CLSTN3: variants seen among roughly 807,000 people sequenced by gnomAD.
CLSTN3 encodes the protein calsyntenin-3.
Under a neutral mutation model 95.9 loss-of-function variants are expected in CLSTN3, and 36 were observed. The ratio of observed to expected loss-of-function variants is 0.38; its 90% CI spans 0.29 to 0.50. CLSTN3 has a LOEUF of 0.50. CLSTN3 is among the 20% of genes least tolerant of loss of function. CLSTN3 has a pLI of 0.95. For synonymous variants in CLSTN3, 481 were observed against 504.0 expected (o/e 0.95, Z 0.61); for missense variants, 1,084 against 1,268.8 (o/e 0.85, Z 2.21).
rs2054395222 is a variant in CLSTN3, at chr12:7,141,969, C to G, written c.1487-117C>G. On this transcript the variant is annotated intron_variant, in intron 9 of 17. Coordinates refer to ENST00000266546, the MANE Select transcript of CLSTN3 (RefSeq NM_014718.4). This position sits in a 1 kb window ranked among gnomAD's most constrained non-coding sequence, Gnocchi z 4.1. Reference sequence around the variant, plus strand: ...AGTTATACATGGGCAGGGTCAGAATCCCATGTGGGCATGAGAGCACTCATG... The same window carrying G: ...AGTTATACATGGGCAGGGTCAGAATGCCATGTGGGCATGAGAGCACTCATG... 1 of 766,334 alleles carries G rather than the reference C, an allele frequency of 1.3e-6. No individual in the cohort carries two copies. The highest frequency in any genetic ancestry group is 2.4e-4 in the Middle Eastern group (1 of 4,218). The allele number at this position is 766,334 out of a possible 1,614,324, so 47.5% of individuals were successfully genotyped here.
rs1399317362 is a variant in CLSTN3, at chr12:7,156,568, G to A, written c.2528-921G>A. Reference sequence around the variant, plus strand: ...GTGAGCAGGCGGCCAGGTGGCTGGTGTGGGCCAGCATGCAGGCTGGCAAAG... The same window carrying A: ...GTGAGCAGGCGGCCAGGTGGCTGGTATGGGCCAGCATGCAGGCTGGCAAAG... On this transcript the variant is annotated intron_variant, in intron 16 of 17. Transcript: ENST00000266546. 8 of 456,688 alleles carry A rather than the reference G, an allele frequency of 1.8e-5. No individual in the cohort carries two copies. In the Admixed American group the frequency reaches 1.9e-4, roughly 11 times the overall value. 28.3% of individuals were successfully genotyped at this position (456,688 alleles called of 1,614,324 possible).
intron 8 of CLSTN3, among the ~76,000 whole-genome samples, chr12:7,138,342 TTC>T (rs149602492): frequency 6.6e-6 from 1 of 151,868 alleles, no homozygotes; most frequent in Admixed American, 6.6e-5. Flanking sequence ...CCTTGTTTTA[TTC>T]TCTCTCTCTC....
rs759769332 is a variant in CLSTN3 at position 7,157,665 on chromosome 12, C to T, written c.2704C>T (p.Leu902Phe). Residue 902 changes from leucine to phenylalanine, a missense_variant, in exon 17 of 18, where the codon CTC becomes TTC. By Grantham distance (22) the Leu-to-Phe change is conservative. Coordinates refer to ENST00000266546, the MANE Select transcript of CLSTN3 (RefSeq NM_014718.4). This position sits in a 1 kb window ranked among gnomAD's most constrained non-coding sequence, Gnocchi z 5.9. ...DPDLFWDDSALTIIVNPMESY... is the reference protein window; with the variant it reads ...DPDLFWDDSAFTIIVNPMESY... ...AGACCTCTTCTGGGATGACTCAGCTCTCACCATCATTGTGAACCCCATGGA... is the reference window on the plus strand; with the variant it reads ...AGACCTCTTCTGGGATGACTCAGCTTTCACCATCATTGTGAACCCCATGGA... The T allele has an allele frequency of 1.9e-6, 3 of 1,599,760 alleles. No individual in the cohort carries two copies. Among genetic ancestry groups the T allele is most frequent in the Non-Finnish European group, 8.5e-7 (1 of 1,172,658 alleles).
At chr12:7,130,310 CCCT>C (rs201580285), upstream of CLSTN3, 74,318 of 784,894 alleles carry the variant, frequency 0.095, 3,572 homozygotes, top group Non-Finnish European at 0.11. Flanking sequence ...TGGTCCCCCC[CCCT>C]CCCAGTCACC....
intron 4 of CLSTN3, 92 bp downstream of exon 4, chr12:7,135,627 C>T: frequency 2.1e-6 from 3 of 1,405,612 alleles, no homozygotes; most frequent in Non-Finnish European, 3.0e-6. Context: ...CCACTTTTGC[C>T]CCTCAGACCC....
chr12:7,142,110 AG>A lies in CLSTN3; in HGVS notation c.1514del (p.Gly505GlufsTer61). The A allele has an allele frequency of 6.2e-7, 1 of 1,606,076 alleles. No individual in the cohort carries two copies. Among genetic ancestry groups the A allele is most frequent in the Non-Finnish European group, 8.5e-7 (1 of 1,175,312 alleles). ...WTEEKNKEKE[K>X]GDNSTDTTQG... is the part of the protein sequence containing the mutation. ...GAGGAGAAGAACAAAGAGAAGGAAA[AG>A]GGAGACAACAGTACAGACACCACCC... On this transcript the variant is annotated frameshift_variant, in exon 10 of 18. Transcript: ENST00000266546. LOFTEE classifies it high-confidence loss of function.
At chr12:7,156,284 C>T in intron 16 of CLSTN3, 5 of 457,012 alleles carry the variant, frequency 1.1e-5, no homozygotes, top group Non-Finnish European at 8.8e-6. Context: ...CCTCCACCTG[C>T]TGTCCCTGGG....
chr12:7,149,472 A>C lies in CLSTN3; in HGVS notation c.2075-51A>C, dbSNP rs751042457. The C allele has an allele frequency of 3.2e-6, 5 of 1,546,734 alleles. No individual in the cohort carries two copies. The African/African-American group carries it at 5.4e-5, about 17-fold the overall frequency. ...GATGAGGGCATGGTTGGGTCTCAGA[A>C]CCTCCGTGGGCCCTTTGGCTCTGAC... On this transcript the variant is annotated intron_variant, in intron 13 of 17. Coordinates refer to ENST00000266546, the MANE Select transcript of CLSTN3 (RefSeq NM_014718.4). This position sits in a 1 kb window ranked among gnomAD's most constrained non-coding sequence, Gnocchi z 4.5.
intron 3 of CLSTN3, 140 bp from the exon 4 acceptor site, chr12:7,135,187 C>T (rs77626337): frequency 0.034 from 26,379 of 774,798 alleles, 618 homozygotes; most frequent in Non-Finnish European, 0.044. Flanking sequence ...ACCTGTCCCT[C>T]CATGTGCCGT....
chr12:7,143,824 G>T (rs771277034), intron 12 of CLSTN3, among the ~76,000 whole-genome samples: 9 of 152,364 alleles, frequency 5.9e-5, no homozygotes, highest in African/African-American at 1.9e-4. Flanking sequence ...TTGGAACACA[G>T]CAGTGCCCAT....
rs1477592850 is a variant in CLSTN3, at chr12:7,157,526, C to T, written c.2565C>T (p.Cys855=). 5 of 1,607,068 alleles carry T rather than the reference C, an allele frequency of 3.1e-6. No homozygotes were observed. Among genetic ancestry groups the T allele is most frequent in the East Asian group, 2.2e-5 (1 of 44,830 alleles). ...CCGCAACCCTCATCATTGTGGTGTG[C>T]GTGGGCTTCCTGGTGCTCATGGTCG... ...PSAATLIIVV[C]VGFLVLMVVL... Residue 855 remains cysteine (C), a synonymous_variant, in exon 17 of 18, where the codon TGC becomes TGT. Transcript: ENST00000266546. This position sits in a 1 kb window ranked among gnomAD's most constrained non-coding sequence, Gnocchi z 5.9.
At chr12:7,136,158 G>C in intron 5 of CLSTN3, 48 bp from the exon 6 acceptor site, 4 of 1,585,554 alleles carry the variant, frequency 2.5e-6, no homozygotes, top group Non-Finnish European at 3.4e-6. Flanking sequence ...AGGGGAGGCT[G>C]CTTTACCCTT....
In CLSTN3 at chr12:7,136,803, A is replaced by G. The variant is rs968836097; in HGVS notation, c.929-26A>G. ...CCATCTGCTGCTTCTTGGCTCTGAC[A>G]CTTGTGCCTCCTGGGGCTCCCACAG... On this transcript the variant is annotated intron_variant, in intron 6 of 17. Transcript: ENST00000266546. 3.1e-6 allele frequency: 5 copies of G among 1,609,178 alleles called. No homozygotes were observed. The African/African-American group carries it at 6.7e-5, about 22-fold the overall frequency.
intron 12 of CLSTN3, among the ~76,000 whole-genome samples, chr12:7,147,892 C>T (rs781069864): frequency 1.4e-4 from 21 of 152,148 alleles, no homozygotes; most frequent in African/African-American, 4.3e-4. Context: ...CGGTGGCTCA[C>T]GCCTGTAATC....
chr12:7,151,196 T>C, intron 16 of CLSTN3, 133 bp downstream of exon 16: 1 of 1,045,788 alleles, frequency 9.6e-7, no homozygotes, highest in Non-Finnish European at 1.3e-6. Context: ...CTGTGGTACC[T>C]GCCTTAGTTG....
chr12:7,137,988 A>G lies in CLSTN3; in HGVS notation c.1244A>G (p.His415Arg). 1 of 1,613,902 alleles carries G rather than the reference A, an allele frequency of 6.2e-7. No homozygotes were observed. The highest frequency in any genetic ancestry group is 1.1e-5 in the South Asian group (1 of 91,076). Reference sequence around the variant, plus strand: ...TTCTCTCACTACTCGCTGACTGTCCACGGCTGTAGGATTGCCTTCCTCTAC... The same window carrying G: ...TTCTCTCACTACTCGCTGACTGTCCGCGGCTGTAGGATTGCCTTCCTCTAC... ...DGFSHYSLTV[H>R]GCRIAFLYWP... Residue 415 changes from histidine to arginine, a missense_variant, in exon 8 of 18, where the codon CAC (histidine) becomes CGC (arginine). Coordinates refer to ENST00000266546, the MANE Select transcript of CLSTN3 (RefSeq NM_014718.4). The surrounding 1 kb of genome is among the most constrained non-coding windows in gnomAD (Gnocchi z 4.4).
At chr12:7,135,070 C>T (rs1003289924) in intron 3 of CLSTN3, among the ~76,000 whole-genome samples, 1 of 151,958 alleles carries the variant, frequency 6.6e-6, no homozygotes, top group African/African-American at 2.4e-5. Context: ...TGTACCGTGT[C>T]GAGGCTGTAC....
rs1354034264 is a variant in CLSTN3 at position 7,143,255 on chromosome 12, C to T, written c.1791C>T (p.Asn597=). ...CCCTGCAGCATGTGGCTTACATGAA[C>T]ACTCTGCGCTTTGCCACGCCCGGCG... ...NHALQHVAYM[N]TLRFATPGVR... is the part of the protein sequence containing the mutation. Residue 597 remains asparagine, a synonymous_variant, in exon 12 of 18, where the codon AAC becomes AAT. Coordinates refer to ENST00000266546, the MANE Select transcript of CLSTN3 (RefSeq NM_014718.4). The T allele has an allele frequency of 6.2e-7, 1 of 1,613,576 alleles. No homozygotes were observed. Among genetic ancestry groups the T allele is most frequent in the Admixed American group, 1.7e-5 (1 of 60,026 alleles).
rs148195105 is a variant in CLSTN3 at position 7,149,856 on chromosome 12, G to C, written c.2245+163G>C. ...ATCCTCTGGCTTTGATTGTCCCTAG[G>C]GAAGGTGTGCTGGGTTTAGGCTCCG... On this transcript the variant is annotated intron_variant, in intron 14 of 17. Coordinates refer to ENST00000266546, the MANE Select transcript of CLSTN3 (RefSeq NM_014718.4). The surrounding 1 kb of genome is among the most constrained non-coding windows in gnomAD (Gnocchi z 4.5). Among the ~76,000 whole-genome samples the C allele has an allele frequency of 6.6e-6, 1 of 152,278 alleles. No homozygotes were observed. The highest frequency in any genetic ancestry group is 2.4e-5 in the African/African-American group (1 of 41,550).
Sources: allele counts gnomAD v4.1 joint callset (sites outside exome capture counted in the v4.1 genomes callset), GRCh38; gene constraint gnomAD v4.1.1; non-coding constraint Gnocchi (gnomAD v3.1); transcripts MANE v1.5; gene names NCBI Gene and HGNC (gene_info 2026-07-23, HGNC 2026-07-21).